Variants in TCEA3 observed in about 807,000 individuals in gnomAD.
TCEA3 encodes the protein transcription elongation factor A3.
TCEA3 carries 36 observed loss-of-function variants against 44.0 expected under a neutral mutation model. The observed-to-expected ratio is 0.82, with a 90% CI of 0.63 to 1.08. TCEA3 has a LOEUF of 1.08. TCEA3 is among the 50% of genes least tolerant of loss of function. The pLI is 0.00. For synonymous variants in TCEA3, 162 were observed against 159.7 expected (o/e 1.01, Z -0.11); for missense variants, 392 against 441.2 (o/e 0.89, Z 1.00).
chr1:23,397,716 TGAATTTCATCTGCCCTCAGTGAGATTGG>T (rs1043222503), intron 6 of TCEA3, 48 bp downstream of exon 6: 222 of 1,610,020 alleles, frequency 1.4e-4, no homozygotes, highest in Non-Finnish European at 1.9e-4. Flanking sequence ...TGAGAAAGAC[TGAATTTCATCTGCCCTCAGTGAGATTGG>T]GAAAAGGGAC....
In TCEA3 at chr1:23,409,780, A is replaced by G. The variant is rs534263710; in HGVS notation, c.381-1054T>C. ...GCCAGGCTGGTCTCAAACTCCTGAC[A>G]TCAGGTGATCTGCCCACCTCGGCCT... On this transcript the variant is annotated intron_variant, in intron 4 of 10. Transcript: ENST00000450454. Among the ~76,000 whole-genome samples the G allele has an allele frequency of 7.9e-5, 12 of 152,082 alleles. No individual in the cohort carries two copies. In the South Asian group the frequency reaches 1.9e-3, roughly 24 times the overall value.
chr1:23,410,501 A>G (rs1639676723), intron 4 of TCEA3, among the ~76,000 whole-genome samples: 1 of 152,008 alleles, frequency 6.6e-6, no homozygotes, highest in African/African-American at 2.4e-5. Flanking sequence ...TAAAGATTAG[A>G]CCGTAAGAAA....
intron 5 of TCEA3, among the ~76,000 whole-genome samples, chr1:23,399,769 G>A (rs534297187): frequency 8.6e-5 from 13 of 151,008 alleles, no homozygotes; most frequent in African/African-American, 2.9e-4. Flanking sequence ...TCCACCTCCC[G>A]GATTCAAGTG....
chr1:23,393,196 C>T (rs1447723814), intron 8 of TCEA3, among the ~76,000 whole-genome samples: 4 of 152,078 alleles, frequency 2.6e-5, no homozygotes, highest in East Asian at 3.9e-4. Context: ...TGACAGGAGG[C>T]GGAGCTCAGG....
intron 8 of TCEA3, among the ~76,000 whole-genome samples, chr1:23,392,444 CA>C (rs1639071813): frequency 1.9e-3 from 1 of 522 alleles, no homozygotes; most frequent in African/African-American, 0.014. Context: ...ACATCATGCA[CA>C]ATACACACAC....
chr1:23,394,135 C>A, intron 7 of TCEA3, 102 bp from the exon 8 acceptor site: 1 of 1,384,234 alleles, frequency 7.2e-7, no homozygotes, highest in South Asian at 1.4e-5. Flanking sequence ...TTCCTCTCCT[C>A]GGACTTCTAC....
At chr1:23,411,811 A>G (rs543502109) in intron 4 of TCEA3, among the ~76,000 whole-genome samples, 2 of 152,344 alleles carry the variant, frequency 1.3e-5, no homozygotes, top group East Asian at 3.9e-4. Context: ...CTTAAGCATG[A>G]CTATGTTTTA....
At chr1:23,424,006 C>A in intron 1 of TCEA3, 1 of 379,148 alleles carries the variant, frequency 2.6e-6, no homozygotes, top group South Asian at 1.9e-5. Context: ...GGGAAAATTG[C>A]CAAAAGAACC....
intron 9 of TCEA3, among the ~76,000 whole-genome samples, chr1:23,385,381 G>A (rs1032771247): frequency 6.6e-6 from 1 of 152,234 alleles, no homozygotes; most frequent in Non-Finnish European, 1.5e-5. Context: ...GCAGTGACGA[G>A]CAGAGAGAAA....
intron 8 of TCEA3, among the ~76,000 whole-genome samples, chr1:23,393,189 C>G (rs2148553758): frequency 6.6e-6 from 1 of 152,178 alleles, no homozygotes. Context: ...ACTGATCTGA[C>G]AGGAGGCGGA....
intron 4 of TCEA3, chr1:23,411,037 C>G (rs1310021135): frequency 4.9e-6 from 1 of 204,954 alleles, no homozygotes; most frequent in Admixed American, 4.4e-5. Context: ...GATCAGGGGA[C>G]AGGAAAGTGT....
chr1:23,421,316 A>C (rs1640059151), intron 1 of TCEA3, among the ~76,000 whole-genome samples: 1 of 152,130 alleles, frequency 6.6e-6, no homozygotes, highest in South Asian at 2.1e-4. Flanking sequence ...AGGTTAAATA[A>C]TTTTCTCAAG....
rs1638666680 is a variant in TCEA3 at position 23,381,289 on chromosome 1, A to C, written c.*177T>G. The stretch of plus-strand genomic sequence containing the variant: ...CTCCAATTAGGCTCCCCCATTAACC[A>C]ATTGTTTCTAATGACCGATTATTAA... On this transcript the variant is annotated 3_prime_UTR_variant, in exon 11 of 11. Coordinates refer to ENST00000450454, the MANE Select transcript of TCEA3 (RefSeq NM_003196.3). 1.6e-6 allele frequency: 1 copy of C among 624,170 alleles called. No individual in the cohort carries two copies. Among genetic ancestry groups the C allele is most frequent in the African/African-American group, 1.8e-5 (1 of 54,288 alleles). 38.7% of individuals were successfully genotyped at this position (624,170 alleles called of 1,614,324 possible). A position where few individuals can be genotyped will look rare whatever the true frequency, so the allele number is the denominator to read the frequency against.
intron 4 of TCEA3, among the ~76,000 whole-genome samples, chr1:23,416,300 C>G (rs954181394): frequency 2.0e-5 from 3 of 152,000 alleles, no homozygotes; most frequent in Non-Finnish European, 4.4e-5. Context: ...GATACCGTAC[C>G]CGGCCTTCCA....
intron 1 of TCEA3, 41 bp downstream of exon 1, chr1:23,424,524 T>TC (rs1558084333): frequency 1.9e-6 from 3 of 1,569,894 alleles, no homozygotes; most frequent in South Asian, 1.1e-5. Context: ...TGCCCGCGCC[T>TC]CCCGGGGGCG....
chr1:23,417,365 T>A lies in TCEA3; in HGVS notation c.264A>T (p.Glu88Asp). 1.2e-6 allele frequency: 2 copies of A among 1,613,986 alleles called. No homozygotes were observed. The highest frequency in any genetic ancestry group is 1.7e-6 in the Non-Finnish European group (2 of 1,179,890). ...LLDSPGPPKG[E>D]KGEEREKAKK... ...TTGCCTTTTCTCTTTCCTCTCCTTT[T>A]TCTCCTTTTGGGGGTCCAGGGGAGT... Residue 88 changes from glutamate to aspartate, a missense_variant, in exon 4 of 11, where the codon GAA (glutamate) becomes GAT (aspartate). Physicochemically the swap from Glu to Asp is conservative, Grantham distance 45. Transcript: ENST00000450454.
At chr1:23,390,555 T>A (rs987407353) in intron 8 of TCEA3, among the ~76,000 whole-genome samples, 1 of 151,908 alleles carries the variant, frequency 6.6e-6, no homozygotes, top group African/African-American at 2.4e-5. Context: ...GGGAAAAGTA[T>A]TTGGGGTAGG....
In TCEA3 at chr1:23,381,248, A is replaced by G. The variant is rs776526730; in HGVS notation, c.*218T>C. ...TTTCTAAAAGAGGTTCATCAATACAAATTCTCAGCATCATTCTCCAATTAG... is the reference window on the plus strand; with the variant it reads ...TTTCTAAAAGAGGTTCATCAATACAGATTCTCAGCATCATTCTCCAATTAG... On this transcript the variant is annotated 3_prime_UTR_variant, in exon 11 of 11. Coordinates refer to ENST00000450454, the MANE Select transcript of TCEA3 (RefSeq NM_003196.3). 19 of 582,776 alleles carry G rather than the reference A, an allele frequency of 3.3e-5. No individual in the cohort carries two copies. The highest frequency in any genetic ancestry group is 5.3e-5 in the Non-Finnish European group (17 of 323,096). The allele number at this position is 582,776 out of a possible 1,614,324, so 36.1% of individuals were successfully genotyped here.
intron 5 of TCEA3, among the ~76,000 whole-genome samples, chr1:23,400,244 G>C (rs1639358383): frequency 6.6e-6 from 1 of 151,914 alleles, no homozygotes; most frequent in Non-Finnish European, 1.5e-5. Flanking sequence ...TGATGGAATG[G>C]AGCCTTGAAG....
Sources: gnomAD v4.1 joint callset for allele counts (sites outside exome capture counted in the v4.1 genomes callset) on GRCh38, gnomAD v4.1.1 for gene constraint, MANE v1.5 for transcripts, NCBI Gene and HGNC (gene_info 2026-07-23, HGNC 2026-07-21) for gene names.